Variants in BMERB1 observed in about 807,000 individuals in gnomAD.
BMERB1 encodes the protein bMERB domain containing 1, also known as bMERB domain-containing protein 1.
Under a neutral mutation model 23.6 loss-of-function variants are expected in BMERB1, and 12 were observed. The ratio of observed to expected loss-of-function variants is 0.51; its 90% CI spans 0.33 to 0.82. The LOEUF (loss-of-function observed/expected upper bound fraction) is 0.82. Ranked by LOEUF, BMERB1 falls within the 40% of genes least tolerant of loss-of-function variation. The pLI is 0.03. For synonymous variants in BMERB1, 122 were observed against 96.6 expected, an observed-to-expected ratio of 1.26 and a Z score of -1.54; for missense variants, 247 against 255.4, an observed-to-expected ratio of 0.97 and a Z score of 0.22.
intron 1 of BMERB1, among the ~76,000 whole-genome samples, chr16:15,439,563 T>C (rs1274161909): frequency 1.3e-5 from 2 of 152,156 alleles, no homozygotes; most frequent in African/African-American, 2.4e-5. Context: ...GCCTTCCTCA[T>C]GGGAACATGT....
rs145329191 is a variant in BMERB1 at position 15,488,561 on chromosome 16, C to T, written c.107-26744C>T. Among the ~76,000 whole-genome samples, 711 of 151,584 alleles carry T rather than the reference C, an allele frequency of 4.7e-3. 3 individuals carry two copies. Among genetic ancestry groups the T allele is most frequent in the Non-Finnish European group, 6.9e-3 (468 of 67,908 alleles). The stretch of plus-strand genomic sequence containing the variant: ...TACATAGTATTTGTGGGGCTGGGCG[C>T]GGTGGCCCACATCTGTAATCCCAGC... On this transcript the variant is annotated intron_variant, in intron 1 of 5. Transcript: ENST00000300006.
At chr16:15,509,072 T>TC (rs949187590) in intron 1 of BMERB1, among the ~76,000 whole-genome samples, 1 of 151,590 alleles carries the variant, frequency 6.6e-6, no homozygotes, top group Non-Finnish European at 1.5e-5. Context: ...GCCTCCATCC[T>TC]CCCCCGGGGA....
chr16:15,437,371 T>G (rs1179457424), intron 1 of BMERB1, among the ~76,000 whole-genome samples: 3 of 152,216 alleles, frequency 2.0e-5, no homozygotes, highest in African/African-American at 7.2e-5. Context: ...GTCTTTATTG[T>G]GTATACTAAA....
At chr16:15,466,687 C>A (rs1199992182) in intron 1 of BMERB1, among the ~76,000 whole-genome samples, 1 of 150,334 alleles carries the variant, frequency 6.7e-6, no homozygotes, top group Non-Finnish European at 1.5e-5. Flanking sequence ...ATCCATTCAT[C>A]CTATTCAGAT....
intron 2 of BMERB1, among the ~76,000 whole-genome samples, chr16:15,553,168 C>T (rs968911530): frequency 2.6e-5 from 4 of 152,110 alleles, no homozygotes; most frequent in Admixed American, 1.3e-4. Flanking sequence ...CCACCATGCC[C>T]GGCTAGTTTT....
In BMERB1 at chr16:15,435,969, C is replaced by A. The variant is rs542738093; in HGVS notation, c.106+1210C>A. 2.4e-3 allele frequency among the ~76,000 whole-genome samples: 364 copies of A among 151,704 alleles called. 4 individuals are homozygous for A. The highest frequency in any genetic ancestry group is 8.4e-3 in the African/African-American group (347 of 41,350). On this transcript the variant is annotated intron_variant, in intron 1 of 5. Coordinates refer to ENST00000300006, the MANE Select transcript of BMERB1 (RefSeq NM_033201.3). ...TTAACCTTGGTCTTTCTTTCTAGTT[C>A]ATCCTTTCAAGACCCAATGACTTGG...
At chr16:15,525,293 C>G (rs1236686134) in intron 2 of BMERB1, among the ~76,000 whole-genome samples, 1 of 152,104 alleles carries the variant, frequency 6.6e-6, no homozygotes, top group African/African-American at 2.4e-5. Flanking sequence ...GGGTCTTGAG[C>G]CTGCCAGCCT....
At chr16:15,535,916 G>GCCAGACA (rs1343996511) in intron 2 of BMERB1, among the ~76,000 whole-genome samples, 1 of 152,080 alleles carries the variant, frequency 6.6e-6, no homozygotes, top group African/African-American at 2.4e-5. Flanking sequence ...CAGGGGAAAT[G>GCCAGACA]CCAGACACTT....
intron 1 of BMERB1, among the ~76,000 whole-genome samples, chr16:15,482,997 CCCG>C: frequency 6.6e-6 from 1 of 152,280 alleles, no homozygotes; most frequent in East Asian, 1.9e-4. Flanking sequence ...CACAATTCTA[CCCG>C]CCAAAGTCAA....
chr16:15,584,786 A>G (rs796439000), intron 5 of BMERB1, among the ~76,000 whole-genome samples: 7 of 152,170 alleles, frequency 4.6e-5, no homozygotes, highest in African/African-American at 1.2e-4. Flanking sequence ...CCCTAGAACC[A>G]TAGCTTAGCA....
chr16:15,453,450 C>T (rs1453446758), intron 1 of BMERB1, among the ~76,000 whole-genome samples: 2 of 151,976 alleles, frequency 1.3e-5, no homozygotes, highest in Non-Finnish European at 2.9e-5. Flanking sequence ...TGGTGGTGTA[C>T]CTCTAATTCT....
chr16:15,515,526 T>C (rs2051739715), intron 2 of BMERB1, 98 bp downstream of exon 2: 1 of 1,449,796 alleles, frequency 6.9e-7, no homozygotes, highest in East Asian at 2.5e-5. Context: ...GGCACTGAGA[T>C]AAAGGCATTA....
At chr16:15,495,356 C>T (rs1293300374) in intron 1 of BMERB1, among the ~76,000 whole-genome samples, 1 of 151,020 alleles carries the variant, frequency 6.6e-6, no homozygotes, top group Non-Finnish European at 1.5e-5. Flanking sequence ...CCACCATGCC[C>T]AGCTAAGTTT....
At chr16:15,548,611 C>T (rs2029992807) in intron 2 of BMERB1, among the ~76,000 whole-genome samples, 1 of 152,110 alleles carries the variant, frequency 6.6e-6, no homozygotes, top group Admixed American at 6.5e-5. Context: ...TTAAACATTC[C>T]CCAGCACATC....
chr16:15,529,413 G>A (rs79674229), intron 2 of BMERB1, among the ~76,000 whole-genome samples: 7 of 152,052 alleles, frequency 4.6e-5, no homozygotes, highest in Non-Finnish European at 1.5e-5. Context: ...CTGTCCCCTC[G>A]AGGACTGAGA....
intron 3 of BMERB1, among the ~76,000 whole-genome samples, chr16:15,579,493 T>C (rs946361324): frequency 6.6e-6 from 1 of 152,174 alleles, no homozygotes; most frequent in African/African-American, 2.4e-5. Flanking sequence ...ATGTTCTCCT[T>C]ACCCCTGGTT....
At chr16:15,476,976 G>T (rs147976011) in intron 1 of BMERB1, among the ~76,000 whole-genome samples, 1 of 152,280 alleles carries the variant, frequency 6.6e-6, no homozygotes, top group African/African-American at 2.4e-5. Context: ...GGCTGGCAGG[G>T]CAGATATGGT....
At chr16:15,472,491 A>G (rs1038217618) in intron 1 of BMERB1, among the ~76,000 whole-genome samples, 3 of 152,204 alleles carry the variant, frequency 2.0e-5, no homozygotes, top group Non-Finnish European at 4.4e-5. Context: ...CCCTTTTATC[A>G]TGATGTAATG....
At chr16:15,474,861 G>A (rs1245962045) in intron 1 of BMERB1, among the ~76,000 whole-genome samples, 1 of 151,578 alleles carries the variant, frequency 6.6e-6, no homozygotes, top group Non-Finnish European at 1.5e-5. Context: ...CTAATTTTTG[G>A]GTTTTAAGTA....
Sources: gnomAD v4.1 joint callset for allele counts (sites outside exome capture counted in the v4.1 genomes callset) on GRCh38, gnomAD v4.1.1 for gene constraint, MANE v1.5 for transcripts, NCBI Gene and HGNC (gene_info 2026-07-23, HGNC 2026-07-21) for gene names.